Variants in USP49 observed in about 807,000 individuals in gnomAD.
USP49 encodes ubiquitin specific peptidase 49.
In USP49, 24 loss-of-function variants were observed where a neutral mutation model predicts 58.6. The observed-to-expected ratio is 0.41, with a 90% CI of 0.30 to 0.58. The LOEUF is 0.58. USP49 is among the 20% of genes least tolerant of loss of function. USP49 has a pLI of 0.30. For missense variants in USP49, 703 were observed against 866.1 expected (o/e 0.81, Z 2.36); for synonymous variants, 408 against 365.1 (o/e 1.12, Z -1.34).
intron 3 of USP49, among the ~76,000 whole-genome samples, chr6:41,847,497 C>T (rs1773944042): frequency 1.3e-5 from 2 of 152,002 alleles, no homozygotes; most frequent in African/African-American, 2.4e-5. Context: ...AGGTGGATCA[C>T]GAGGTCAAGA....
At chr6:41,890,227 A>G (rs1372013248) in intron 2 of USP49, among the ~76,000 whole-genome samples, 8 of 151,954 alleles carry the variant, frequency 5.3e-5, no homozygotes, top group Non-Finnish European at 1.2e-4. Context: ...AAAATACAAA[A>G]CCTTGGCTGG....
chr6:41,823,704 C>T (rs1389889661), intron 3 of USP49, among the ~76,000 whole-genome samples: 1 of 152,188 alleles, frequency 6.6e-6, no homozygotes, highest in Admixed American at 6.5e-5. Context: ...TGTGGGCAGA[C>T]TCTCTTTTCC....
At chr6:41,817,068 G>A (rs1200509852) in intron 3 of USP49, among the ~76,000 whole-genome samples, 2 of 151,406 alleles carry the variant, frequency 1.3e-5, no homozygotes, top group Non-Finnish European at 2.9e-5. Context: ...TCAAACTCCT[G>A]GGCTCAAGTG....
In USP49 at chr6:41,799,948, TTG is replaced by T. The variant is rs1772966875; in HGVS notation, c.1562-12_1562-11del. On this transcript the variant is annotated splice_polypyrimidine_tract_variant and intron_variant, in intron 5 of 7. Transcript: ENST00000682992. ...GATTTTCGTCGTTTGCCTATGTGGT[TTG>T]GGAAGGTATAAGACATAGGTTGTGA... The T allele has an allele frequency of 6.2e-7, 1 of 1,613,324 alleles. No homozygotes were observed. The highest frequency in any genetic ancestry group is 1.1e-5 in the South Asian group (1 of 91,064).
chr6:41,863,913 A>G (rs1178323712), intron 3 of USP49, among the ~76,000 whole-genome samples: 1 of 149,656 alleles, frequency 6.7e-6, no homozygotes, highest in Non-Finnish European at 1.5e-5. Context: ...ATGTGCCACC[A>G]CACCTGGCTA....
Position 41,806,998 on chromosome 6 carries a change from G to A in USP49, c.-15C>T, listed in dbSNP as rs762591509. On this transcript the variant is annotated 5_prime_UTR_variant, in exon 4 of 8. An upstream open reading frame in the 5' UTR gains an earlier in-frame stop. Transcript: ENST00000682992. The surrounding 1 kb of genome is among the most constrained non-coding windows in gnomAD (Gnocchi z 5.9). ...CATCTATCCATGTCTTATAGAAGTCGCCACTTTCTCAACCTGGCACGACAG... is the reference window on the plus strand; with the variant it reads ...CATCTATCCATGTCTTATAGAAGTCACCACTTTCTCAACCTGGCACGACAG... The A allele has an allele frequency of 6.2e-6, 9 of 1,451,742 alleles. No homozygotes were observed. The highest frequency in any genetic ancestry group is 4.9e-5 in the East Asian group (2 of 41,134). The allele number at this position is 1,451,742 out of a possible 1,614,324, so 89.9% of individuals were successfully genotyped here. A position where few individuals can be genotyped will look rare whatever the true frequency, so the allele number is the denominator to read the frequency against.
At chr6:41,809,597 C>T (rs748358536) in intron 3 of USP49, among the ~76,000 whole-genome samples, 44 of 149,884 alleles carry the variant, frequency 2.9e-4, no homozygotes, top group Non-Finnish European at 4.6e-4. Flanking sequence ...GAGTCCGAGG[C>T]GGGAGGATCA....
intron 3 of USP49, among the ~76,000 whole-genome samples, chr6:41,836,591 GA>G (rs1365289433): frequency 6.6e-6 from 1 of 152,090 alleles, no homozygotes; most frequent in African/African-American, 2.4e-5. Flanking sequence ...TATATTTGCA[GA>G]TGATATAATG....
chr6:41,859,327 G>C (rs1025575584), intron 3 of USP49, among the ~76,000 whole-genome samples: 1 of 152,112 alleles, frequency 6.6e-6, no homozygotes, highest in East Asian at 1.9e-4. Flanking sequence ...CCCTCCCCTA[G>C]AACATTTTCA....
rs149255305 is a variant in USP49, at chr6:41,843,412, G to A, written c.-29+28152C>T. The stretch of plus-strand genomic sequence containing the variant: ...CGTTGGCTTTGTGTATAAGCATTGC[G>A]TATGTCGGAAAAAAAGGTCGAAACT... On this transcript the variant is annotated intron_variant, in intron 3 of 7. Transcript: ENST00000682992. Among the ~76,000 whole-genome samples the A allele has an allele frequency of 9.8e-3, 1,496 of 152,122 alleles. 23 individuals are homozygous for A. Among genetic ancestry groups the A allele is most frequent in the African/African-American group, 0.031 (1,302 of 41,512 alleles).
chr6:41,809,460 G>C (rs1452096897), intron 3 of USP49, among the ~76,000 whole-genome samples: 1 of 150,738 alleles, frequency 6.6e-6, no homozygotes, highest in East Asian at 2.0e-4. Context: ...AGGAGGTGGA[G>C]GTTGCAGTGA....
intron 3 of USP49, among the ~76,000 whole-genome samples, chr6:41,863,716 TG>T (rs1455437457): frequency 3.3e-5 from 5 of 152,164 alleles, no homozygotes; most frequent in Non-Finnish European, 7.3e-5. Flanking sequence ...ATATAGAAGG[TG>T]CTCAAAAAAT....
chr6:41,811,991 C>T (rs1043249573), intron 3 of USP49, among the ~76,000 whole-genome samples: 1 of 152,126 alleles, frequency 6.6e-6, no homozygotes, highest in Non-Finnish European at 1.5e-5. Context: ...CATCTGAATT[C>T]CCCAGGCTAC....
chr6:41,882,410 A>G (rs1490318453), intron 2 of USP49, among the ~76,000 whole-genome samples: 1 of 152,196 alleles, frequency 6.6e-6, no homozygotes, highest in East Asian at 1.9e-4. Flanking sequence ...ATTGGGAAAT[A>G]AAAAAATAAT....
Position 41,799,971 on chromosome 6 carries a change from T to C in USP49, c.1562-33A>G, listed in dbSNP as rs1356872337. The C allele has an allele frequency of 1.9e-6, 3 of 1,591,330 alleles. No individual in the cohort carries two copies. The South Asian group carries it at 3.3e-5, about 18-fold the overall frequency. ...GTTTGGGAAGGTATAAGACATAGGTTGTGAGGAGTTTTTTCTAGCTATGGC... is the reference window on the plus strand; with the variant it reads ...GTTTGGGAAGGTATAAGACATAGGTCGTGAGGAGTTTTTTCTAGCTATGGC... On this transcript the variant is annotated intron_variant, in intron 5 of 7. Transcript: ENST00000682992.
chr6:41,856,422 G>A (rs544733199), intron 3 of USP49, among the ~76,000 whole-genome samples: 11 of 151,784 alleles, frequency 7.2e-5, no homozygotes, highest in African/African-American at 2.4e-4. Flanking sequence ...ACATTTCAGC[G>A]CTCTCTCAAA....
intron 3 of USP49, among the ~76,000 whole-genome samples, chr6:41,844,761 AT>A (rs35619328): frequency 0.48 from 73,512 of 151,964 alleles, 17,861 homozygotes; most frequent in Non-Finnish European, 0.51. Flanking sequence ...TTCTTTATGA[AT>A]TATGGTTCAT....
intron 2 of USP49, among the ~76,000 whole-genome samples, chr6:41,880,964 G>A (rs564685296): frequency 2.6e-5 from 4 of 151,390 alleles, no homozygotes; most frequent in East Asian, 3.9e-4. Context: ...ATGGAGTCTC[G>A]CTCTGTTGCC....
At chr6:41,817,438 G>A (rs1358262004) in intron 3 of USP49, among the ~76,000 whole-genome samples, 5 of 141,830 alleles carry the variant, frequency 3.5e-5, no homozygotes, top group African/African-American at 5.3e-5. Context: ...GAGCCACCAC[G>A]CTCGGCCTTT....
Sources: gnomAD v4.1 joint callset for allele counts (sites outside exome capture counted in the v4.1 genomes callset) on GRCh38, gnomAD v4.1.1 for gene constraint, Gnocchi (gnomAD v3.1) non-coding constraint, MANE v1.5 for transcripts, NCBI Gene and HGNC (gene_info 2026-07-23, HGNC 2026-07-21) for gene names.